MYO3B: variants seen among roughly 807,000 people sequenced by gnomAD.
MYO3B encodes the protein myosin-IIIb.
A neutral mutation model predicts 174.6 loss-of-function variants in MYO3B; 156 were observed. The ratio of observed to expected loss-of-function variants is 0.89; its 90% CI spans 0.78 to 1.02. The LOEUF is 1.02. Among genes scored for constraint, MYO3B ranks in the 50% least tolerant of loss-of-function variants. MYO3B has a pLI of 0.00. For missense variants in MYO3B, 1,632 were observed against 1,639.4 expected (o/e 1.00, Z 0.08); for synonymous variants, 563 against 569.1 (o/e 0.99, Z 0.15).
intron 6 of MYO3B, among the ~76,000 whole-genome samples, chr2:170,228,196 A>G (rs1257310963): frequency 6.6e-6 from 1 of 152,148 alleles, no homozygotes; most frequent in Non-Finnish European, 1.5e-5. Context: ...CCATAATTAT[A>G]AGGATTCCCA....
chr2:170,524,480 A>G, intron 30 of MYO3B: 1 of 447,076 alleles, frequency 2.2e-6, no homozygotes, highest in Non-Finnish European at 4.5e-6. Flanking sequence ...CACTGTGCTA[A>G]GTGGTTTTGT....
At chr2:170,432,722 GCC>G (rs2094720838) in intron 22 of MYO3B, among the ~76,000 whole-genome samples, 1 of 151,866 alleles carries the variant, frequency 6.6e-6, no homozygotes, top group Admixed American at 6.6e-5. Context: ...GACTACAGGC[GCC>G]TGCCACCATG....
At chr2:170,389,270 A>G (rs973310582) in intron 14 of MYO3B, among the ~76,000 whole-genome samples, 1 of 152,128 alleles carries the variant, frequency 6.6e-6, no homozygotes, top group African/African-American at 2.4e-5. Context: ...GGCACACTGT[A>G]GGGTTCCTGT....
intron 22 of MYO3B, among the ~76,000 whole-genome samples, chr2:170,422,977 C>CTTTTTTTT (rs34882424): frequency 0.018 from 1,631 of 88,438 alleles, 52 homozygotes; most frequent in Middle Eastern, 0.036. Flanking sequence ...TTCTTTCTTT[C>CTTTTTTTT]TTTTTTTTTT....
At chr2:170,512,132 T>C (rs1458522369) in intron 28 of MYO3B, among the ~76,000 whole-genome samples, 1 of 152,184 alleles carries the variant, frequency 6.6e-6, no homozygotes, top group Non-Finnish European at 1.5e-5. Flanking sequence ...AATTAAGTAC[T>C]GGATAATCAA....
chr2:170,398,879 T>A (rs1278040652), intron 16 of MYO3B, among the ~76,000 whole-genome samples: 1 of 152,184 alleles, frequency 6.6e-6, no homozygotes, highest in African/African-American at 2.4e-5. Context: ...GAATACTGTA[T>A]TTTTGATCCG....
At chr2:170,631,683 C>T (rs879532975) in intron 32 of MYO3B, among the ~76,000 whole-genome samples, 15 of 152,054 alleles carry the variant, frequency 9.9e-5, no homozygotes, top group South Asian at 6.3e-4. Flanking sequence ...AAAGGGAAGC[C>T]CATCAGACTA....
chr2:170,566,794 G>C (rs550849006), intron 32 of MYO3B, among the ~76,000 whole-genome samples: 1 of 152,222 alleles, frequency 6.6e-6, no homozygotes, highest in East Asian at 1.9e-4. Flanking sequence ...GAGTTCAAAC[G>C]GTTCTGATTA....
intron 6 of MYO3B, among the ~76,000 whole-genome samples, chr2:170,223,821 G>A (rs113750319): frequency 0.012 from 1,814 of 152,276 alleles, 15 homozygotes; most frequent in South Asian, 0.022. Context: ...TGTCATTATC[G>A]TTTTTATTGA....
At chr2:170,200,314 T>C in intron 3 of MYO3B, 30 bp downstream of exon 3, 5 of 1,602,752 alleles carry the variant, frequency 3.1e-6, no homozygotes, top group Non-Finnish European at 4.3e-6. Flanking sequence ...TAACCAGTGA[T>C]TTGAACAGAG....
intron 7 of MYO3B, among the ~76,000 whole-genome samples, chr2:170,305,384 T>A (rs2093694455): frequency 6.6e-6 from 1 of 152,170 alleles, no homozygotes. Context: ...AAGTCCTCAT[T>A]TTCCCCCCAA....
chr2:170,521,050 T>G (rs1575110607), intron 30 of MYO3B, among the ~76,000 whole-genome samples: 1 of 152,216 alleles, frequency 6.6e-6, no homozygotes, highest in East Asian at 1.9e-4. Flanking sequence ...GAGAGTTCTT[T>G]GCATCTTTTC....
intron 7 of MYO3B, 122 bp downstream of exon 7, chr2:170,236,258 ATTTTCTTTG>A: frequency 9.3e-7 from 1 of 1,071,618 alleles, no homozygotes; most frequent in Admixed American, 2.5e-5. Flanking sequence ...TGTGAAATAT[ATTTTCTTTG>A]AAAAAGCAAG....
intron 32 of MYO3B, among the ~76,000 whole-genome samples, chr2:170,617,579 A>G (rs1366582644): frequency 1.3e-5 from 2 of 152,188 alleles, no homozygotes; most frequent in African/African-American, 4.8e-5. Context: ...CATACCAGTC[A>G]TAGCTATTGT....
chr2:170,249,330 G>A (rs1016569704), intron 7 of MYO3B, among the ~76,000 whole-genome samples: 3 of 152,180 alleles, frequency 2.0e-5, no homozygotes, highest in African/African-American at 7.2e-5. Flanking sequence ...AGTCCAAGGA[G>A]CTAGAGAGAA....
At chr2:170,524,068 G>A (rs890701201) in intron 30 of MYO3B, among the ~76,000 whole-genome samples, 8 of 152,214 alleles carry the variant, frequency 5.3e-5, no homozygotes, top group African/African-American at 9.7e-5. Context: ...AGGACGATCC[G>A]TATATGTCAA....
intron 7 of MYO3B, among the ~76,000 whole-genome samples, chr2:170,274,626 A>G (rs2093449947): frequency 6.6e-6 from 1 of 152,190 alleles, no homozygotes; most frequent in Non-Finnish European, 1.5e-5. Context: ...AACTGACTAC[A>G]GAGGCATGAA....
chr2:170,393,233 G>A (rs2094425119), intron 16 of MYO3B, among the ~76,000 whole-genome samples: 1 of 151,750 alleles, frequency 6.6e-6, no homozygotes, highest in Non-Finnish European at 1.5e-5. Context: ...ACAGGTGTGT[G>A]CCACCACACC....
At chr2:170,406,894 C>T (rs919759849) in intron 21 of MYO3B, among the ~76,000 whole-genome samples, 2 of 152,068 alleles carry the variant, frequency 1.3e-5, no homozygotes, top group Non-Finnish European at 2.9e-5. Context: ...TGAGTGATCA[C>T]TCAGATCTCA....
Sources: gnomAD v4.1 joint callset for allele counts (sites outside exome capture counted in the v4.1 genomes callset) on GRCh38, gnomAD v4.1.1 for gene constraint, MANE v1.5 for transcripts, NCBI Gene and HGNC (gene_info 2026-07-23, HGNC 2026-07-21) for gene names.